RAB18: variants seen among roughly 807,000 people sequenced by gnomAD.
RAB18 encodes the protein ras-related protein Rab-18.
RAB18 carries 10 observed loss-of-function variants against 28.5 expected under a neutral mutation model. The ratio of observed to expected loss-of-function variants is 0.35; its 90% CI spans 0.22 to 0.60. The LOEUF (loss-of-function observed/expected upper bound fraction) is 0.60. Among genes scored for constraint, RAB18 ranks in the 20% least tolerant of loss-of-function variants. RAB18 has a pLI of 0.78. For synonymous variants in RAB18, 93 were observed against 86.9 expected (o/e 1.07, Z -0.39); for missense variants, 188 against 244.2 (o/e 0.77, Z 1.53).
intron 2 of RAB18, among the ~76,000 whole-genome samples, chr10:27,511,062 A>T (rs561053016): frequency 6.6e-6 from 1 of 152,318 alleles, no homozygotes; most frequent in South Asian, 2.1e-4. Flanking sequence ...ATGAACATAG[A>T]TACATTTTAT....
chr10:27,525,482 G>C (rs878946487), intron 2 of RAB18, among the ~76,000 whole-genome samples: 1 of 151,008 alleles, frequency 6.6e-6, no homozygotes, highest in East Asian at 1.9e-4. Flanking sequence ...TGTTGTTTAT[G>C]TAGATGGTTC....
intron 2 of RAB18, chr10:27,514,222 A>G (rs976138143): frequency 6.6e-6 from 1 of 152,250 alleles, no homozygotes; most frequent in African/African-American, 2.4e-5. Context: ...TGGAAATAAA[A>G]AAGGAAGAAA....
At position 27,533,915 on chromosome 10, in the gene RAB18, A is replaced by G. The variant is rs1564837139; in HGVS notation, c.379-13A>G. 6.2e-7 allele frequency: 1 copy of G among 1,609,742 alleles called. No homozygotes were observed. The highest frequency in any genetic ancestry group is 2.2e-5 in the East Asian group (1 of 44,774). ...TTTGGTAGCCTTTCTTAATCATTGC[A>G]TTTATATTTTAGGAAAATCGTGAAG... On this transcript the variant is annotated splice_polypyrimidine_tract_variant and intron_variant, in intron 5 of 6. Coordinates refer to ENST00000356940, the MANE Select transcript of RAB18 (RefSeq NM_021252.5).
intron 1 of RAB18, among the ~76,000 whole-genome samples, chr10:27,506,012 A>G (rs1390718432): frequency 1.3e-5 from 2 of 152,234 alleles, no homozygotes; most frequent in Non-Finnish European, 2.9e-5. Context: ...AATTATTTAC[A>G]TGATCATCTA....
intron 3 of RAB18, 146 bp from the exon 4 acceptor site, chr10:27,532,361 A>G: frequency 3.4e-6 from 2 of 585,594 alleles, no homozygotes; most frequent in Non-Finnish European, 5.9e-6. Context: ...TCAGTAAGCG[A>G]ACACATCTTA....
At chr10:27,525,279 T>C (rs1834649230) in intron 2 of RAB18, among the ~76,000 whole-genome samples, 1 of 152,196 alleles carries the variant, frequency 6.6e-6, no homozygotes, top group African/African-American at 2.4e-5. Flanking sequence ...GTTCTTTATA[T>C]ACTCCCTGAA....
intron 2 of RAB18, 150 bp from the exon 3 acceptor site, chr10:27,526,678 A>T: frequency 1.1e-6 from 1 of 922,200 alleles, no homozygotes; most frequent in South Asian, 1.5e-5. Context: ...TTTTAATGAC[A>T]CTTTTTATCT....
At chr10:27,514,532 C>T (rs1834392363) in intron 2 of RAB18, among the ~76,000 whole-genome samples, 1 of 151,574 alleles carries the variant, frequency 6.6e-6, no homozygotes, top group Non-Finnish European at 1.5e-5. Context: ...GTGGAAAATA[C>T]AATAAGAGAC....
chr10:27,510,012 C>T, intron 2 of RAB18, 82 bp downstream of exon 2: 1 of 1,009,580 alleles, frequency 9.9e-7, no homozygotes, highest in African/African-American at 1.6e-5. Context: ...CTTCTACCTT[C>T]CTCTCACCAC....
At chr10:27,529,102 C>T (rs1265971632) in intron 3 of RAB18, among the ~76,000 whole-genome samples, 1 of 151,732 alleles carries the variant, frequency 6.6e-6, no homozygotes, top group African/African-American at 2.4e-5. Context: ...CTATCATTTG[C>T]CTTTAAAATC....
intron 2 of RAB18, among the ~76,000 whole-genome samples, chr10:27,513,716 A>G (rs1834374051): frequency 6.6e-6 from 1 of 152,134 alleles, no homozygotes; most frequent in South Asian, 2.1e-4. Flanking sequence ...TGCATGTGGG[A>G]AGAAGTAGGT....
intron 2 of RAB18, among the ~76,000 whole-genome samples, chr10:27,523,490 CT>C (rs1348438514): frequency 1.3e-5 from 2 of 151,726 alleles, no homozygotes; most frequent in Non-Finnish European, 2.9e-5. Flanking sequence ...TTTCTTTCTG[CT>C]TCCTTTTGGG....
intron 2 of RAB18, among the ~76,000 whole-genome samples, chr10:27,520,281 T>C (rs1564831386): frequency 6.6e-6 from 1 of 152,204 alleles, no homozygotes; most frequent in Non-Finnish European, 1.5e-5. Flanking sequence ...CGGTTGTTCA[T>C]AGTATTCTCT....
At chr10:27,514,244 AC>A (rs1834386740) in intron 2 of RAB18, 1 of 152,246 alleles carries the variant, frequency 6.6e-6, no homozygotes, top group African/African-American at 2.4e-5. Context: ...AAACAGAAAA[AC>A]AAAGGACAGA....
intron 2 of RAB18, among the ~76,000 whole-genome samples, chr10:27,516,900 G>A (rs1423413771): frequency 6.6e-6 from 1 of 152,172 alleles, no homozygotes; most frequent in Admixed American, 6.5e-5. Context: ...AAAGTGGTAT[G>A]GTAAAATGTA....
At position 27,538,735 on chromosome 10, in the gene RAB18, C is replaced by CA. The variant is rs1180071332; in HGVS notation, c.*684_*685insA. The stretch of plus-strand genomic sequence containing the variant: ...TGTGATATGTACATTGGATTCATGA[C>CA]TGTGCAGCATTTTTAGTTATGTGGT... On this transcript the variant is annotated 3_prime_UTR_variant, in exon 7 of 7. Coordinates refer to ENST00000356940, the MANE Select transcript of RAB18 (RefSeq NM_021252.5). The CA allele has an allele frequency of 1.5e-5, 7 of 454,076 alleles. No individual in the cohort carries two copies. The East Asian group carries it at 4.9e-4, about 32-fold the overall frequency. 28.1% of individuals were successfully genotyped at this position (454,076 alleles called of 1,614,324 possible).
In RAB18 at chr10:27,540,149, T is replaced by C. The variant is rs1277221785; in HGVS notation, c.*2098T>C. 1 of 454,060 alleles carries C rather than the reference T, an allele frequency of 2.2e-6. No individual in the cohort carries two copies. The highest frequency in any genetic ancestry group is 4.4e-6 in the Non-Finnish European group (1 of 226,746). The allele number at this position is 454,060 out of a possible 1,614,324, so 28.1% of individuals were successfully genotyped here. A position where few individuals can be genotyped will look rare whatever the true frequency, so the allele number is the denominator to read the frequency against. On this transcript the variant is annotated 3_prime_UTR_variant, in exon 7 of 7. Transcript: ENST00000356940. ...TTGACCCAAACAAATAAAAAACTAT[T>C]CAATTTCTGAGTAATAGTTAATATT...
intron 2 of RAB18, among the ~76,000 whole-genome samples, chr10:27,518,385 T>A (rs1834481236): frequency 6.6e-6 from 1 of 152,216 alleles, no homozygotes; most frequent in African/African-American, 2.4e-5. Flanking sequence ...TATTCTTCTA[T>A]ACCCCTCACC....
intron 1 of RAB18, 101 bp from the exon 2 acceptor site, chr10:27,509,774 T>C (rs1834288533): frequency 1.0e-6 from 1 of 966,992 alleles, no homozygotes; most frequent in Non-Finnish European, 1.6e-6. Context: ...TCAGTTATTT[T>C]TATCTGCATC....
Sources: gnomAD v4.1 joint callset for allele counts (sites outside exome capture counted in the v4.1 genomes callset) on GRCh38, gnomAD v4.1.1 for gene constraint, MANE v1.5 for transcripts, NCBI Gene and HGNC (gene_info 2026-07-23, HGNC 2026-07-21) for gene names.